The following HSPA12A variants were observed in gnomAD, a reference collection of about 807,000 sequenced individuals.
The protein encoded by HSPA12A is heat shock 70 kDa protein 12A.
Under a neutral mutation model 69.2 loss-of-function variants are expected in HSPA12A, and 28 were observed. That is an observed-to-expected ratio of 0.40 (90% CI 0.30 to 0.55). The LOEUF (loss-of-function observed/expected upper bound fraction) is 0.55. Ranked by LOEUF, HSPA12A falls within the 20% of genes least tolerant of loss-of-function variation. The pLI, the probability that HSPA12A is intolerant of heterozygous loss-of-function variation, is 0.38. For missense variants in HSPA12A, 686 were observed against 900.7 expected (o/e 0.76, Z 3.05); for synonymous variants, 345 against 370.5 (o/e 0.93, Z 0.79).
At chr10:116,839,955 C>A (rs2133221074) in intron 1 of HSPA12A, among the ~76,000 whole-genome samples, 1 of 151,684 alleles carries the variant, frequency 6.6e-6, no homozygotes, top group African/African-American at 2.4e-5. Context: ...ATGTGAAAGG[C>A]CCAAGGCATG....
intron 2 of HSPA12A, among the ~76,000 whole-genome samples, chr10:116,768,293 G>A (rs898779214): frequency 1.3e-5 from 2 of 152,174 alleles, no homozygotes; most frequent in African/African-American, 4.8e-5. Flanking sequence ...GAAATGCCTG[G>A]AGTAGGCAAA....
At chr10:116,765,330 T>A (rs1035558325) in intron 2 of HSPA12A, among the ~76,000 whole-genome samples, 4 of 151,960 alleles carry the variant, frequency 2.6e-5, no homozygotes, top group African/African-American at 4.8e-5. Flanking sequence ...TCAAAAAAAA[T>A]TTAAATTAAA....
chr10:116,698,773 T>C (rs782013506), intron 4 of HSPA12A, 34 bp from the exon 5 acceptor site: 169 of 1,528,296 alleles, frequency 1.1e-4, no homozygotes, highest in East Asian at 3.2e-4. Flanking sequence ...AGTAAGAAGA[T>C]GACACAGGAG....
chr10:116,815,214 A>AGTG (rs1165765248), intron 2 of HSPA12A, among the ~76,000 whole-genome samples: 3 of 135,892 alleles, frequency 2.2e-5, no homozygotes, highest in African/African-American at 8.3e-5. Context: ...ATCTGCCCAG[A>AGTG]GTGGTGGATA....
intron 2 of HSPA12A, among the ~76,000 whole-genome samples, chr10:116,776,065 T>C (rs1844330152): frequency 6.6e-6 from 1 of 152,244 alleles, no homozygotes; most frequent in African/African-American, 2.4e-5. Context: ...CATTGGTCTC[T>C]GTCCACTGAG....
At chr10:116,838,393 C>A (rs1845752988) in intron 1 of HSPA12A, among the ~76,000 whole-genome samples, 1 of 152,034 alleles carries the variant, frequency 6.6e-6, no homozygotes. Flanking sequence ...TGTGTGTGGA[C>A]AGTTTTAACA....
intron 1 of HSPA12A, among the ~76,000 whole-genome samples, chr10:116,709,043 C>T (rs1236945509): frequency 4.8e-5 from 7 of 146,370 alleles, no homozygotes. Context: ...TCCTAGGTAT[C>T]TACCCAAAAA....
chr10:116,794,034 TA>T (rs1388492391), intron 2 of HSPA12A, among the ~76,000 whole-genome samples: 1 of 151,886 alleles, frequency 6.6e-6, no homozygotes, highest in Non-Finnish European at 1.5e-5. Context: ...CTGTCTCTAC[TA>T]AAAAATACTA....
rs781972660 is a variant in HSPA12A, at chr10:116,701,001, T to C, written c.383A>G (p.Asn128Ser). The C allele has an allele frequency of 5.0e-5, 80 of 1,613,874 alleles. No individual in the cohort carries two copies. The highest frequency in any genetic ancestry group is 1.3e-4 in the Admixed American group (8 of 59,982). Residue 128 changes from asparagine (N) to serine (S), a missense_variant, in exon 4 of 12, where the codon AAT becomes AGT. Asn to Ser is a conservative substitution (Grantham distance 46, BLOSUM62 1). Transcript: ENST00000369209. ...ARDFYHDLDP[N>S]EAKQWLYLEK... Reference sequence around the variant, plus strand: ...CAGGTACAGCCACTGCTTGGCCTCATTGGGATCCAGGTCATGGTAAAAGTC... The same window carrying C: ...CAGGTACAGCCACTGCTTGGCCTCACTGGGATCCAGGTCATGGTAAAAGTC...
At chr10:116,752,968 G>T (rs782661853) in intron 2 of HSPA12A, among the ~76,000 whole-genome samples, 2 of 152,194 alleles carry the variant, frequency 1.3e-5, no homozygotes, top group Non-Finnish European at 2.9e-5. Context: ...GTATGCATTT[G>T]CAAGCCAGCT....
At chr10:116,763,249 G>A (rs989690164) in intron 2 of HSPA12A, among the ~76,000 whole-genome samples, 1 of 152,182 alleles carries the variant, frequency 6.6e-6, no homozygotes, top group Non-Finnish European at 1.5e-5. Flanking sequence ...CTTCTGAATG[G>A]ATCTGGCTTT....
intron 2 of HSPA12A, among the ~76,000 whole-genome samples, chr10:116,761,936 T>C (rs1212408392): frequency 6.6e-6 from 1 of 152,228 alleles, no homozygotes; most frequent in African/African-American, 2.4e-5. Context: ...CTTGAGAGAC[T>C]ACAGGAAAGT....
At chr10:116,775,581 G>A (rs1844317513) in intron 2 of HSPA12A, among the ~76,000 whole-genome samples, 2 of 152,152 alleles carry the variant, frequency 1.3e-5, no homozygotes, top group Non-Finnish European at 2.9e-5. Flanking sequence ...CCGATGAGAG[G>A]GGATGGAAGA....
intron 6 of HSPA12A, among the ~76,000 whole-genome samples, chr10:116,688,649 C>T (rs1003212404): frequency 1.3e-5 from 2 of 152,220 alleles, no homozygotes; most frequent in African/African-American, 2.4e-5. Flanking sequence ...TGCACCAGTT[C>T]GGGGTGTTAT....
chr10:116,751,363 G>C (rs1424261437), intron 2 of HSPA12A: 1 of 154,786 alleles, frequency 6.5e-6, no homozygotes, highest in East Asian at 1.9e-4. Flanking sequence ...AATTAAAGTT[G>C]CATGTACATT....
chr10:116,741,361 A>T (rs1240972614), intron 1 of HSPA12A, among the ~76,000 whole-genome samples: 1 of 152,270 alleles, frequency 6.6e-6, no homozygotes, highest in Non-Finnish European at 1.5e-5. Flanking sequence ...GGGGCCCCGC[A>T]GAGCCAAGCG....
intron 2 of HSPA12A, among the ~76,000 whole-genome samples, chr10:116,810,883 G>A (rs1046390660): frequency 5.9e-5 from 9 of 152,226 alleles, no homozygotes; most frequent in South Asian, 2.1e-4. Flanking sequence ...TTCAACAAGT[G>A]TGCAACACCA....
At chr10:116,737,110 G>A (rs963421254) in intron 1 of HSPA12A, among the ~76,000 whole-genome samples, 1 of 152,174 alleles carries the variant, frequency 6.6e-6, no homozygotes, top group Admixed American at 6.5e-5. Flanking sequence ...TTACAGATGA[G>A]AAAAACTGAG....
intron 10 of HSPA12A, among the ~76,000 whole-genome samples, chr10:116,678,694 A>G (rs553133102): frequency 6.6e-6 from 1 of 152,114 alleles, no homozygotes; most frequent in African/African-American, 2.4e-5. Flanking sequence ...TGTGGTTGTG[A>G]TTTAAAACTT....
Sources: allele counts gnomAD v4.1 joint callset (sites outside exome capture counted in the v4.1 genomes callset), GRCh38; gene constraint gnomAD v4.1.1; transcripts MANE v1.5; gene names NCBI Gene and HGNC (gene_info 2026-07-23, HGNC 2026-07-21).